The following FNBP1 variants were observed in gnomAD, a reference collection of about 807,000 sequenced individuals.
The protein encoded by FNBP1 is formin-binding protein 1.
FNBP1 carries 26 observed loss-of-function variants against 90.6 expected under a neutral mutation model. The ratio of observed to expected loss-of-function variants is 0.29; its 90% CI spans 0.21 to 0.40. The LOEUF is 0.40. Among genes scored for constraint, FNBP1 ranks in the 10% least tolerant of loss-of-function variants. The probability of loss-of-function intolerance (pLI) is 1.00; values close to 1 mark genes in which losing one functional copy is unlikely to be tolerated. For synonymous variants in FNBP1, 260 were observed against 265.2 expected, an observed-to-expected ratio of 0.98 and a Z score of 0.19; for missense variants, 635 against 768.0, an observed-to-expected ratio of 0.83 and a Z score of 2.05.
intron 4 of FNBP1, among the ~76,000 whole-genome samples, chr9:129,967,472 G>A (rs2048795535): frequency 6.6e-6 from 1 of 152,176 alleles, no homozygotes; most frequent in South Asian, 2.1e-4. Context: ...CCGAGATAGC[G>A]CCACTGCACT....
chr9:129,895,648 C>A (rs1299545808), intron 16 of FNBP1, 190 bp downstream of exon 16: 2 of 1,252,570 alleles, frequency 1.6e-6, no homozygotes, highest in Non-Finnish European at 2.0e-6. Context: ...TTGATTACAG[C>A]CCAAACTAGA....
At chr9:129,983,492 T>C (rs2051621110) in intron 2 of FNBP1, among the ~76,000 whole-genome samples, 1 of 152,094 alleles carries the variant, frequency 6.6e-6, no homozygotes, top group South Asian at 2.1e-4. Flanking sequence ...TGGGACAAGG[T>C]TTTTGCCCTA....
intron 4 of FNBP1, among the ~76,000 whole-genome samples, chr9:129,965,691 C>CAGAA (rs749461041): frequency 8.5e-6 from 1 of 117,938 alleles, no homozygotes; most frequent in Non-Finnish European, 1.7e-5. Context: ...AAAACACACA[C>CAGAA]ACACACGCGC....
In FNBP1 at chr9:129,899,983, C is replaced by T. The variant is rs758242445; in HGVS notation, c.1669G>A (p.Ala557Thr). The change falls in exon 15 of 17, where the codon GCT becomes ACT. Residue 557 changes from alanine (A) to threonine (T), a missense_variant. Physicochemically the swap from Ala to Thr is moderately conservative, Grantham distance 58. Transcript: ENST00000446176. ...EPLPAIGTCKALYTFEGQNEG... is the reference protein window; with the variant it reads ...EPLPAIGTCKTLYTFEGQNEG... ...ATGTCACCTTCAAATGTGTAGAGAGCTTTGCACGTCCCTATGGCAGGGAGG... is the reference window on the plus strand; with the variant it reads ...ATGTCACCTTCAAATGTGTAGAGAGTTTTGCACGTCCCTATGGCAGGGAGG... The T allele has an allele frequency of 2.1e-5, 34 of 1,609,636 alleles. No individual in the cohort carries two copies. Among genetic ancestry groups the T allele is most frequent in the Non-Finnish European group, 2.5e-5 (30 of 1,178,008 alleles).
At chr9:129,953,970 T>C (rs1265402967) in intron 6 of FNBP1, among the ~76,000 whole-genome samples, 1 of 151,956 alleles carries the variant, frequency 6.6e-6, no homozygotes, top group East Asian at 1.9e-4. Context: ...TTTAGGAGGC[T>C]GAGGCTGAGG....
chr9:129,978,704 G>T, intron 3 of FNBP1, 92 bp from the exon 4 acceptor site: 1 of 1,293,758 alleles, frequency 7.7e-7, no homozygotes, highest in Non-Finnish European at 1.1e-6. Flanking sequence ...TTAAAATCAG[G>T]TTAATTGGCA....
At chr9:129,974,122 A>G (rs1167263557) in intron 4 of FNBP1, among the ~76,000 whole-genome samples, 1 of 150,540 alleles carries the variant, frequency 6.6e-6, no homozygotes, top group Admixed American at 6.6e-5. Context: ...GCGCCCAGCC[A>G]AACAGCTCTT....
intron 1 of FNBP1, among the ~76,000 whole-genome samples, chr9:130,015,438 T>A (rs2057125428): frequency 6.6e-6 from 1 of 152,106 alleles, no homozygotes; most frequent in African/African-American, 2.4e-5. Flanking sequence ...CAATCCATTA[T>A]CAATAGACTC....
intron 1 of FNBP1, among the ~76,000 whole-genome samples, chr9:130,021,522 T>C (rs1325838574): frequency 1.3e-5 from 2 of 152,252 alleles, no homozygotes; most frequent in Non-Finnish European, 2.9e-5. Context: ...GATAGCTTAA[T>C]GACTGATTTG....
chr9:129,985,625 G>C (rs1396739341), intron 2 of FNBP1, among the ~76,000 whole-genome samples: 1 of 152,050 alleles, frequency 6.6e-6, no homozygotes, highest in South Asian at 2.1e-4. Context: ...AGACAAGCCT[G>C]GCCAACATGG....
upstream of FNBP1, among the ~76,000 whole-genome samples, chr9:130,045,964 A>G (rs552682640): frequency 2.0e-5 from 3 of 152,290 alleles, no homozygotes; most frequent in South Asian, 4.1e-4. Context: ...TCTAAACTCT[A>G]TGTAAACGCT....
At position 129,910,668 on chromosome 9, in the gene FNBP1, GC is replaced by G. The variant is rs543537061; in HGVS notation, c.1186-1670del. On this transcript the variant is annotated intron_variant, in intron 11 of 16. Transcript: ENST00000446176. ...GTAATTCCAGAAGCAAGTTGCATTT[GC>G]CAAGCAGCTTACATGTGGGCTTATG... Among the ~76,000 whole-genome samples the G allele has an allele frequency of 7.6e-4, 116 of 152,142 alleles. 1 individual carries two copies. The highest frequency in any genetic ancestry group is 2.0e-3 in the Admixed American group (31 of 15,248).
At chr9:129,972,176 C>T (rs1350327775) in intron 4 of FNBP1, among the ~76,000 whole-genome samples, 1 of 152,182 alleles carries the variant, frequency 6.6e-6, no homozygotes, top group Non-Finnish European at 1.5e-5. Flanking sequence ...CTCGGTCGCC[C>T]AGGCTAGAGT....
intron 4 of FNBP1, among the ~76,000 whole-genome samples, chr9:129,974,833 C>G (rs1183243992): frequency 6.7e-6 from 1 of 148,906 alleles, no homozygotes; most frequent in African/African-American, 2.5e-5. Flanking sequence ...GCACTCCAGC[C>G]TAGGCAACAG....
chr9:130,019,639 C>A (rs193156453), intron 1 of FNBP1, among the ~76,000 whole-genome samples: 1,700 of 152,224 alleles, frequency 0.011, 19 homozygotes, highest in Middle Eastern at 0.054. Flanking sequence ...AAATGATAAC[C>A]ACTCTTGCTT....
chr9:129,890,289 G>T lies in FNBP1; in HGVS notation c.*250C>A. 1 of 539,136 alleles carries T rather than the reference G, an allele frequency of 1.9e-6. No homozygotes were observed. Among genetic ancestry groups the T allele is most frequent in the Admixed American group, 3.4e-5 (1 of 29,278 alleles). The allele number at this position is 539,136 out of a possible 1,614,324, so 33.4% of individuals were successfully genotyped here. On this transcript the variant is annotated 3_prime_UTR_variant, in exon 17 of 17. Coordinates refer to ENST00000446176, the MANE Select transcript of FNBP1 (RefSeq NM_015033.3). The surrounding 1 kb of genome is among the most constrained non-coding windows in gnomAD (Gnocchi z 5.8). ...CTCAGTGGCCTGCGCGGGGTGGGGA[G>T]GGGGAGCGATGAGGACTGACCCGAG...
rs1028865921 is a variant in FNBP1 at position 130,031,655 on chromosome 9, C to A, written c.24+11297G>T. 5.9e-5 allele frequency among the ~76,000 whole-genome samples: 9 copies of A among 151,702 alleles called. No individual in the cohort carries two copies. The highest frequency in any genetic ancestry group is 1.3e-4 in the Admixed American group (2 of 15,216). ...CTTAGTCCTTATTACACAATAATTT[C>A]TTTCTTTCTTTCTTTCTTTTTTTTG... is the stretch of plus-strand genomic sequence containing the variant. On this transcript the variant is annotated intron_variant, in intron 1 of 16. Transcript: ENST00000446176. The surrounding 1 kb of genome is among the most constrained non-coding windows in gnomAD (Gnocchi z 4.2).
chr9:129,947,440 CAAA>C (rs530714143), intron 6 of FNBP1, among the ~76,000 whole-genome samples: 1 of 96,984 alleles, frequency 1.0e-5, no homozygotes. Context: ...AACTCCGTCT[CAAA>C]AAAAAAAAAG....
intron 10 of FNBP1, among the ~76,000 whole-genome samples, chr9:129,918,522 T>C (rs2040598300): frequency 6.6e-6 from 1 of 152,216 alleles, no homozygotes; most frequent in Non-Finnish European, 1.5e-5. Context: ...CCATGTGTTA[T>C]TGGACAGTCA....
Sources: gnomAD v4.1 joint callset for allele counts (sites outside exome capture counted in the v4.1 genomes callset) on GRCh38, gnomAD v4.1.1 for gene constraint, Gnocchi (gnomAD v3.1) non-coding constraint, MANE v1.5 for transcripts, NCBI Gene and HGNC (gene_info 2026-07-23, HGNC 2026-07-21) for gene names.